HS6ST3: variants seen among roughly 807,000 people sequenced by gnomAD.
The protein encoded by HS6ST3 is heparan-sulfate 6-O-sulfotransferase 3.
HS6ST3 carries 12 observed loss-of-function variants against 36.7 expected under a neutral mutation model. The observed-to-expected ratio is 0.33, with a 90% CI of 0.21 to 0.53. The LOEUF is 0.53. Ranked by LOEUF, HS6ST3 falls within the 20% of genes least tolerant of loss-of-function variation. The pLI is 0.95. For synonymous variants in HS6ST3, 240 were observed against 257.5 expected, an observed-to-expected ratio of 0.93 and a Z score of 0.65; for missense variants, 584 against 640.9, an observed-to-expected ratio of 0.91 and a Z score of 0.96.
chr13:96,091,710 G>A, intron 1 of HS6ST3, 141 bp downstream of exon 1: 2 of 1,191,580 alleles, frequency 1.7e-6, no homozygotes, highest in South Asian at 3.2e-5. Context: ...TGGCTTTGGG[G>A]AGGGATGAGA....
At position 96,205,715 on chromosome 13, in the gene HS6ST3, A is replaced by T. The variant is rs941494167; in HGVS notation, c.707+114146A>T. ...GTGACTCATCATATAAACAGAACTA[A>T]AGACAAAAACCACATGATTATCCCA... On this transcript the variant is annotated intron_variant, in intron 1 of 1. Transcript: ENST00000376705. Among the ~76,000 whole-genome samples the T allele has an allele frequency of 4.6e-5, 7 of 152,210 alleles. No individual in the cohort carries two copies. The East Asian group carries it at 1.3e-3, about 29-fold the overall frequency.
At chr13:96,720,848 G>A (rs1221592480) in intron 1 of HS6ST3, among the ~76,000 whole-genome samples, 3 of 152,146 alleles carry the variant, frequency 2.0e-5, no homozygotes, top group African/African-American at 4.8e-5. Context: ...AGGAAGTCGT[G>A]TTTTATGTCT....
At chr13:96,200,781 C>T (rs1049157685) in intron 1 of HS6ST3, among the ~76,000 whole-genome samples, 1 of 152,184 alleles carries the variant, frequency 6.6e-6, no homozygotes, top group Non-Finnish European at 1.5e-5. Context: ...TACCTTACAT[C>T]GTATTCAGAA....
intron 1 of HS6ST3, among the ~76,000 whole-genome samples, chr13:96,438,480 C>G (rs1215057836): frequency 1.3e-5 from 2 of 152,200 alleles, no homozygotes; most frequent in Non-Finnish European, 2.9e-5. Flanking sequence ...CTCCTAATTT[C>G]TAGTCTGGTG....
At chr13:96,484,637 A>G (rs1469391504) in intron 1 of HS6ST3, among the ~76,000 whole-genome samples, 1 of 152,156 alleles carries the variant, frequency 6.6e-6, no homozygotes, top group African/African-American at 2.4e-5. Context: ...ACTTAGCGTA[A>G]TGTCCTCCAG....
intron 1 of HS6ST3, among the ~76,000 whole-genome samples, chr13:96,289,047 C>A (rs916971014): frequency 6.6e-6 from 1 of 151,378 alleles, no homozygotes; most frequent in Admixed American, 6.6e-5. Context: ...GTATTCCAGT[C>A]ATAAAAATGG....
chr13:96,117,889 A>G (rs571457744), intron 1 of HS6ST3, among the ~76,000 whole-genome samples: 192 of 148,800 alleles, frequency 1.3e-3, no homozygotes, highest in Non-Finnish European at 1.9e-3. Flanking sequence ...TTTTTTTTCG[A>G]GATGGAGTCT....
chr13:96,097,175 G>A (rs2053795492), intron 1 of HS6ST3, among the ~76,000 whole-genome samples: 1 of 151,994 alleles, frequency 6.6e-6, no homozygotes, highest in African/African-American at 2.4e-5. Flanking sequence ...CTTCCTGATG[G>A]TTACCTTGGA....
intron 1 of HS6ST3, among the ~76,000 whole-genome samples, chr13:96,559,900 G>A (rs569760397): frequency 2.6e-4 from 40 of 152,206 alleles, no homozygotes; most frequent in Admixed American, 5.9e-4. Flanking sequence ...ATTTTTAGTG[G>A]AGTGGTGATG....
chr13:96,398,811 G>T (rs1462244364), intron 1 of HS6ST3, among the ~76,000 whole-genome samples: 1 of 152,202 alleles, frequency 6.6e-6, no homozygotes. Context: ...TACTGTATAA[G>T]ACTTTGTCTT....
chr13:96,411,976 T>C (rs188097054), intron 1 of HS6ST3, among the ~76,000 whole-genome samples: 58 of 152,048 alleles, frequency 3.8e-4, no homozygotes, highest in Non-Finnish European at 6.9e-4. Context: ...GAAGGTGGTA[T>C]GCCTGGTATT....
intron 1 of HS6ST3, among the ~76,000 whole-genome samples, chr13:96,643,147 G>T (rs562161490): frequency 6.6e-6 from 1 of 152,066 alleles, no homozygotes; most frequent in South Asian, 2.1e-4. Context: ...TAAAGTTCCT[G>T]CTAGGTGACC....
chr13:96,480,735 G>C (rs1405171586), intron 1 of HS6ST3, among the ~76,000 whole-genome samples: 1 of 152,088 alleles, frequency 6.6e-6, no homozygotes, highest in Non-Finnish European at 1.5e-5. Context: ...TTAGTGTTAT[G>C]TTTCCCTTTA....
At chr13:96,636,681 A>C (rs517984) in intron 1 of HS6ST3, among the ~76,000 whole-genome samples, 31,497 of 152,106 alleles carry the variant, frequency 0.21, 4,066 homozygotes, top group South Asian at 0.3. Flanking sequence ...CCCTATTGCT[A>C]GAAACTCAGA....
At chr13:96,400,946 A>T (rs939639999) in intron 1 of HS6ST3, among the ~76,000 whole-genome samples, 11 of 152,186 alleles carry the variant, frequency 7.2e-5, no homozygotes, top group Non-Finnish European at 1.6e-4. Context: ...TGGACAGTAT[A>T]AACAGCTACA....
chr13:96,196,249 A>T (rs1327631), intron 1 of HS6ST3, among the ~76,000 whole-genome samples: 3 of 151,840 alleles, frequency 2.0e-5, no homozygotes, highest in African/African-American at 7.3e-5. Context: ...ACTCAAATCT[A>T]TCTTCTTATC....
intron 1 of HS6ST3, among the ~76,000 whole-genome samples, chr13:96,158,083 C>T (rs916346524): frequency 3.9e-5 from 6 of 152,090 alleles, no homozygotes; most frequent in Admixed American, 6.5e-5. Flanking sequence ...GAGAAAGCCT[C>T]ACAAAGTATG....
chr13:96,259,175 T>C (rs2054652376), intron 1 of HS6ST3, among the ~76,000 whole-genome samples: 1 of 152,126 alleles, frequency 6.6e-6, no homozygotes, highest in South Asian at 2.1e-4. Context: ...TGTGTGTCCG[T>C]GTATGTGTGC....
intron 1 of HS6ST3, among the ~76,000 whole-genome samples, chr13:96,719,394 C>CT (rs894747817): frequency 7.3e-5 from 11 of 150,974 alleles, no homozygotes; most frequent in South Asian, 2.1e-4. Flanking sequence ...TGATTTCATG[C>CT]TTTTTTTTTC....
Sources: gnomAD v4.1 joint callset for allele counts (sites outside exome capture counted in the v4.1 genomes callset) on GRCh38, gnomAD v4.1.1 for gene constraint, MANE v1.5 for transcripts, NCBI Gene and HGNC (gene_info 2026-07-23, HGNC 2026-07-21) for gene names.